Variants in RNF138 observed in about 807,000 individuals in gnomAD.
RNF138 encodes the protein ring finger protein 138, also known as E3 ubiquitin-protein ligase RNF138.
Under a neutral mutation model 31.0 loss-of-function variants are expected in RNF138, and 12 were observed. That is an observed-to-expected ratio of 0.39 (90% CI 0.25 to 0.63). The LOEUF (loss-of-function observed/expected upper bound fraction) is 0.63, where lower values mean the gene tolerates loss of function less well. Ranked by LOEUF, RNF138 falls within the 20% of genes least tolerant of loss-of-function variation. The probability of loss-of-function intolerance (pLI) is 0.52; values close to 1 mark genes in which losing one functional copy is unlikely to be tolerated. For synonymous variants in RNF138, 105 were observed against 99.5 expected (o/e 1.06, Z -0.33); for missense variants, 192 against 300.1 (o/e 0.64, Z 2.66).
intron 4 of RNF138, among the ~76,000 whole-genome samples, chr18:32,116,069 T>C (rs1036823061): frequency 6.6e-6 from 1 of 152,188 alleles, no homozygotes. Flanking sequence ...GCGATGATGA[T>C]GATAGGTCCT....
At chr18:32,102,570 G>A (rs963447137) in intron 2 of RNF138, among the ~76,000 whole-genome samples, 10 of 151,844 alleles carry the variant, frequency 6.6e-5, no homozygotes, top group African/African-American at 2.4e-4. Flanking sequence ...ATTAATATTT[G>A]AAGAGTTTGT....
Position 32,130,045 on chromosome 18 carries a change from A to T in RNF138, c.*858A>T. The T allele has an allele frequency of 6.6e-6, 1 of 152,574 alleles. No homozygotes were observed. 9.5% of individuals were successfully genotyped at this position (152,574 alleles called of 1,614,324 possible). A position where few individuals can be genotyped will look rare whatever the true frequency, so the allele number is the denominator to read the frequency against. ...TAAATGAGAGGTTTGGCTTCATCTCAGTTTAGAAATTTATTCAAAGCTAAA... is the reference window on the plus strand; with the variant it reads ...TAAATGAGAGGTTTGGCTTCATCTCTGTTTAGAAATTTATTCAAAGCTAAA... On this transcript the variant is annotated 3_prime_UTR_variant, in exon 8 of 8. Transcript: ENST00000261593.
rs2040451336 is a variant in RNF138, at chr18:32,130,223, A to ATCAG, written c.*1039_*1040insGTCA. The ATCAG allele has an allele frequency of 1.3e-5, 2 of 150,210 alleles. No individual in the cohort carries two copies. The highest frequency in any genetic ancestry group is 5.1e-5 in the African/African-American group (2 of 39,350). The allele number at this position is 150,210 out of a possible 1,614,324, so 9.3% of individuals were successfully genotyped here. Reference sequence around the variant, plus strand: ...ATCTGATTTGTTTAAAATTTTGTATATCACCAAATTTTTAAAAAGTGATAG... The same window carrying ATCAG: ...ATCTGATTTGTTTAAAATTTTGTATATCAGTCACCAAATTTTTAAAAAGTGATAG... On this transcript the variant is annotated 3_prime_UTR_variant, in exon 8 of 8. Transcript: ENST00000261593.
At position 32,129,756 on chromosome 18, in the gene RNF138, GTAA is replaced by G. The variant is rs900853224; in HGVS notation, c.*574_*576del. ...ATTTTTGAAGACTAGTGAGATTTCT[GTAA>G]TAATTTTAATTCTTTAAAAAGTGAA... On this transcript the variant is annotated 3_prime_UTR_variant, in exon 8 of 8. Coordinates refer to ENST00000261593, the MANE Select transcript of RNF138 (RefSeq NM_016271.5). 6 of 152,512 alleles carry G rather than the reference GTAA, an allele frequency of 3.9e-5. No homozygotes were observed. Among genetic ancestry groups the G allele is most frequent in the African/African-American group, 9.7e-5 (4 of 41,434 alleles). 9.4% of individuals were successfully genotyped at this position (152,512 alleles called of 1,614,324 possible).
At chr18:32,105,395 G>A (rs1426353171) in intron 2 of RNF138, among the ~76,000 whole-genome samples, 3 of 152,076 alleles carry the variant, frequency 2.0e-5, no homozygotes, top group East Asian at 1.9e-4. Flanking sequence ...TGGCCAAATC[G>A]TATGGTGTTC....
intron 4 of RNF138, among the ~76,000 whole-genome samples, chr18:32,123,084 A>G (rs2040331264): frequency 6.6e-6 from 1 of 152,192 alleles, no homozygotes; most frequent in South Asian, 2.1e-4. Flanking sequence ...TTCTTAAATT[A>G]CTGCACTTTG....
At chr18:32,111,095 T>A (rs1455489804) in intron 2 of RNF138, among the ~76,000 whole-genome samples, 3 of 152,258 alleles carry the variant, frequency 2.0e-5, no homozygotes, top group Admixed American at 6.5e-5. Flanking sequence ...GGAAGTATTC[T>A]TAAGTATTTC....
At chr18:32,112,340 T>C (rs1256715605) in intron 3 of RNF138, among the ~76,000 whole-genome samples, 1 of 152,196 alleles carries the variant, frequency 6.6e-6, no homozygotes, top group African/African-American at 2.4e-5. Context: ...TTATGTAGTT[T>C]AAGGAACTCT....
In RNF138 at chr18:32,129,194, T is replaced by C. The variant is rs1291690096; in HGVS notation, c.*7T>C. ...TTTTCAAGTAAACATCTGAAGGCTGTAGACATCTCTGCATCTTTGTACCTG... is the reference window on the plus strand; with the variant it reads ...TTTTCAAGTAAACATCTGAAGGCTGCAGACATCTCTGCATCTTTGTACCTG... On this transcript the variant is annotated 3_prime_UTR_variant, in exon 8 of 8. Coordinates refer to ENST00000261593, the MANE Select transcript of RNF138 (RefSeq NM_016271.5). 1 of 1,604,232 alleles carries C rather than the reference T, an allele frequency of 6.2e-7. No individual in the cohort carries two copies. The highest frequency in any genetic ancestry group is 8.5e-7 in the Non-Finnish European group (1 of 1,172,160).
intron 2 of RNF138, among the ~76,000 whole-genome samples, chr18:32,095,682 C>T (rs1355760990): frequency 6.6e-6 from 1 of 152,164 alleles, no homozygotes; most frequent in Non-Finnish European, 1.5e-5. Flanking sequence ...AAGGATTTGA[C>T]TACTGACTAT....
chr18:32,094,909 C>T (rs564468533), intron 2 of RNF138, among the ~76,000 whole-genome samples: 37 of 151,054 alleles, frequency 2.4e-4, no homozygotes, highest in South Asian at 4.2e-4. Context: ...TGCTCTAGTC[C>T]GCTTCCCTTG....
chr18:32,092,674 C>T (rs917359026), intron 1 of RNF138, 26 bp from the exon 2 acceptor site: 3 of 713,462 alleles, frequency 4.2e-6, no homozygotes, highest in African/African-American at 3.5e-5. Flanking sequence ...TGATGCGATC[C>T]CCCTCCCCCC....
intron 2 of RNF138, among the ~76,000 whole-genome samples, chr18:32,110,461 T>C (rs1351362366): frequency 6.6e-6 from 1 of 152,234 alleles, no homozygotes; most frequent in Non-Finnish European, 1.5e-5. Context: ...GTAGATACTT[T>C]TATTATTTCG....
At chr18:32,102,618 T>A (rs1417885886) in intron 2 of RNF138, among the ~76,000 whole-genome samples, 1 of 151,956 alleles carries the variant, frequency 6.6e-6, no homozygotes, top group Non-Finnish European at 1.5e-5. Flanking sequence ...ACATGTAATT[T>A]TGGAGGTTAA....
intron 2 of RNF138, among the ~76,000 whole-genome samples, chr18:32,098,212 T>A (rs2039849933): frequency 2.0e-5 from 3 of 151,948 alleles, no homozygotes; most frequent in Non-Finnish European, 4.4e-5. Flanking sequence ...GGTTTTGAAC[T>A]CCAGGCTGGT....
At chr18:32,092,613 C>CGGCCCCGCCCTACCCAG (rs2039714753) in intron 1 of RNF138, 87 bp from the exon 2 acceptor site, 1 of 599,620 alleles carries the variant, frequency 1.7e-6, no homozygotes, top group Non-Finnish European at 3.0e-6. Flanking sequence ...TCTCTGCGTT[C>CGGCCCCGCCCTACCCAG]GGCCCCGCCC....
intron 7 of RNF138, among the ~76,000 whole-genome samples, chr18:32,128,677 TTTTTTA>T (rs1323826291): frequency 1.3e-5 from 2 of 152,232 alleles, no homozygotes; most frequent in African/African-American, 4.8e-5. Flanking sequence ...TTATTTTTCA[TTTTTTA>T]TTTTTATTTT....
Position 32,092,897 on chromosome 18 carries a change from GC to G in RNF138, c.110+16del. 5 of 1,463,432 alleles carry G rather than the reference GC, an allele frequency of 3.4e-6. No homozygotes were observed. Among genetic ancestry groups the G allele is most frequent in the South Asian group, 1.3e-5 (1 of 79,208 alleles). The allele number at this position is 1,463,432 out of a possible 1,614,324, so 90.7% of individuals were successfully genotyped here. A position where few individuals can be genotyped will look rare whatever the true frequency, so the allele number is the denominator to read the frequency against. On this transcript the variant is annotated intron_variant, in intron 2 of 7. Transcript: ENST00000261593. ...GGCCTGTCAGCACGTGTGAGTAGAC[GC>G]CCCCTCCCCCTCGCGGAGCCGGGTT... is the stretch of plus-strand genomic sequence containing the variant.
At chr18:32,117,551 T>C (rs2144261573) in intron 4 of RNF138, among the ~76,000 whole-genome samples, 1 of 152,362 alleles carries the variant, frequency 6.6e-6, no homozygotes, top group Middle Eastern at 3.4e-3. Context: ...CACTAATTCA[T>C]ACTGTTTATT....
Sources: allele counts gnomAD v4.1 joint callset (sites outside exome capture counted in the v4.1 genomes callset), GRCh38; gene constraint gnomAD v4.1.1; transcripts MANE v1.5; gene names NCBI Gene and HGNC (gene_info 2026-07-23, HGNC 2026-07-21).